Variants in PSMA8 observed in about 807,000 individuals in gnomAD.
PSMA8 encodes proteasome subunit alpha-type 8.
In PSMA8, 18 loss-of-function variants were observed where a neutral mutation model predicts 32.4. The observed-to-expected ratio is 0.56, with a 90% CI of 0.38 to 0.82. The LOEUF is 0.82. PSMA8 is among the 40% of genes least tolerant of loss of function. The pLI, the probability that PSMA8 is intolerant of heterozygous loss-of-function variation, is 0.00. For synonymous variants in PSMA8, 104 were observed against 98.1 expected, an observed-to-expected ratio of 1.06 and a Z score of -0.36; for missense variants, 298 against 300.7, an observed-to-expected ratio of 0.99 and a Z score of 0.07.
chr18:26,187,494 T>C (rs11875053), intron 6 of PSMA8, among the ~76,000 whole-genome samples: 16,560 of 151,556 alleles, frequency 0.11, 1,491 homozygotes, highest in African/African-American at 0.26. Flanking sequence ...AATGACTGAA[T>C]GGATTTAAAA....
At chr18:26,166,840 G>A (rs541266085) in intron 4 of PSMA8, among the ~76,000 whole-genome samples, 3 of 152,228 alleles carry the variant, frequency 2.0e-5, no homozygotes, top group Admixed American at 6.5e-5. Flanking sequence ...AAGTTTTCAA[G>A]CAAAAATTAT....
intron 1 of PSMA8, among the ~76,000 whole-genome samples, chr18:26,143,642 C>T (rs772612666): frequency 1.6e-4 from 25 of 152,028 alleles, no homozygotes; most frequent in Non-Finnish European, 3.2e-4. Flanking sequence ...GCTTTGCAAA[C>T]GTTTATTCTT....
rs575626690 is a variant in PSMA8 at position 26,169,089 on chromosome 18, C to T, written c.478-9741C>T. Among the ~76,000 whole-genome samples, 161 of 132,348 alleles carry T rather than the reference C, an allele frequency of 1.2e-3. 5 individuals carry two copies. The highest frequency in any genetic ancestry group is 3.7e-3 in the South Asian group (17 of 4,624). The allele number at this position is 132,348 out of a possible 152,430, so 86.8% of individuals were successfully genotyped here. A position where few individuals can be genotyped will look rare whatever the true frequency, so the allele number is the denominator to read the frequency against. On this transcript the variant is annotated intron_variant, in intron 4 of 6. Transcript: ENST00000415576. ...CTTGAACTCGTGGGCTCAATTAATT[C>T]TTCCATCTCAGCTTCCTGAGTAGAT...
chr18:26,185,045 C>T (rs2055342156), intron 6 of PSMA8, among the ~76,000 whole-genome samples: 1 of 144,952 alleles, frequency 6.9e-6, no homozygotes, highest in African/African-American at 2.6e-5. Flanking sequence ...CAAGATAATG[C>T]CATTGCACTC....
intron 1 of PSMA8, among the ~76,000 whole-genome samples, chr18:26,137,292 T>C (rs191530503): frequency 2.5e-4 from 38 of 152,254 alleles, no homozygotes; most frequent in Middle Eastern, 6.8e-3. Context: ...GCCCCATCTC[T>C]ACTAAAAATA....
chr18:26,192,285 GA>G, intron 6 of PSMA8, 33 bp from the exon 7 acceptor site: 1 of 1,413,602 alleles, frequency 7.1e-7, no homozygotes, highest in Non-Finnish European at 9.3e-7. Context: ...TCGTATAACT[GA>G]CATTTGATCT....
chr18:26,161,164 C>T (rs1044042330), intron 4 of PSMA8, among the ~76,000 whole-genome samples: 3 of 152,280 alleles, frequency 2.0e-5, no homozygotes, highest in African/African-American at 4.8e-5. Flanking sequence ...ATAGAAACAT[C>T]CTCCCCACTT....
Position 26,165,432 on chromosome 18 carries a change from G to A in PSMA8, c.477+7188G>A, listed in dbSNP as rs551538121. Among the ~76,000 whole-genome samples, 18 of 152,208 alleles carry A rather than the reference G, an allele frequency of 1.2e-4. No individual in the cohort carries two copies. The East Asian group carries it at 2.3e-3, about 20-fold the overall frequency. ...TTGTTCGTTGTACTTTACACTTTTCGTAAGTTTAAATTTTTCCAAAATAAA... is the reference window on the plus strand; with the variant it reads ...TTGTTCGTTGTACTTTACACTTTTCATAAGTTTAAATTTTTCCAAAATAAA... On this transcript the variant is annotated intron_variant, in intron 4 of 6. Coordinates refer to ENST00000415576, the MANE Select transcript of PSMA8 (RefSeq NM_001025096.2).
At chr18:26,189,640 T>A (rs2055385799) in intron 6 of PSMA8, among the ~76,000 whole-genome samples, 2 of 152,192 alleles carry the variant, frequency 1.3e-5, no homozygotes, top group South Asian at 4.1e-4. Context: ...ATAGACAAGC[T>A]ACAGCAAATG....
At chr18:26,148,592 T>C (rs1226792757) in intron 2 of PSMA8, among the ~76,000 whole-genome samples, 1 of 152,104 alleles carries the variant, frequency 6.6e-6, no homozygotes, top group African/African-American at 2.4e-5. Context: ...AAGCTTTCCC[T>C]CTAGAACCAG....
At chr18:26,134,387 G>A (rs1162216875) in intron 1 of PSMA8, among the ~76,000 whole-genome samples, 1 of 149,526 alleles carries the variant, frequency 6.7e-6, no homozygotes, top group African/African-American at 2.5e-5. Context: ...GTGTGTGTGT[G>A]TAGGGACGTT....
At position 26,133,892 on chromosome 18, in the gene PSMA8, G is replaced by C; in HGVS notation, c.-74G>C. Reference sequence around the variant, plus strand: ...GCGCTTCCGGGCGGTAGCACGCTGTGTTGGCGGCGGCTCCCCGCTTGCCTC... The same window carrying C: ...GCGCTTCCGGGCGGTAGCACGCTGTCTTGGCGGCGGCTCCCCGCTTGCCTC... On this transcript the variant is annotated 5_prime_UTR_variant, in exon 1 of 7. Transcript: ENST00000415576. 1.2e-5 allele frequency: 16 copies of C among 1,319,702 alleles called. No homozygotes were observed. The South Asian group carries it at 1.9e-4, about 16-fold the overall frequency. 81.7% of individuals were successfully genotyped at this position (1,319,702 alleles called of 1,614,324 possible). A position where few individuals can be genotyped will look rare whatever the true frequency, so the allele number is the denominator to read the frequency against.
At chr18:26,141,616 T>G (rs2054956219) in intron 1 of PSMA8, among the ~76,000 whole-genome samples, 1 of 152,096 alleles carries the variant, frequency 6.6e-6, no homozygotes, top group Non-Finnish European at 1.5e-5. Context: ...AATATAATGT[T>G]TAAGAAAGGG....
chr18:26,178,693 T>C, intron 4 of PSMA8, 137 bp from the exon 5 acceptor site: 1 of 730,012 alleles, frequency 1.4e-6, no homozygotes, highest in South Asian at 2.2e-5. Context: ...GTTTGCTATG[T>C]TTTCAAATCT....
intron 3 of PSMA8, among the ~76,000 whole-genome samples, chr18:26,157,060 C>T (rs988842973): frequency 6.6e-6 from 1 of 151,228 alleles, no homozygotes; most frequent in African/African-American, 2.4e-5. Context: ...GGTGGGATTA[C>T]AGGCGTGAGC....
intron 4 of PSMA8, among the ~76,000 whole-genome samples, chr18:26,175,547 G>C (rs893071426): frequency 6.6e-6 from 1 of 152,176 alleles, no homozygotes; most frequent in African/African-American, 2.4e-5. Flanking sequence ...ACCTGAGGGA[G>C]CTCTTGTTAA....
chr18:26,182,332 A>C (rs2144351105), intron 6 of PSMA8, among the ~76,000 whole-genome samples: 1 of 152,350 alleles, frequency 6.6e-6, no homozygotes, highest in Middle Eastern at 3.4e-3. Flanking sequence ...AGCTAGAGAT[A>C]GGAGAAATCA....
chr18:26,170,996 G>A, intron 4 of PSMA8: 2 of 1,555,604 alleles, frequency 1.3e-6, no homozygotes, highest in South Asian at 2.2e-5. Flanking sequence ...TAAGTTTTAA[G>A]GCATCATCTA....
At chr18:26,176,060 G>A (rs1045869769) in intron 4 of PSMA8, among the ~76,000 whole-genome samples, 1 of 152,154 alleles carries the variant, frequency 6.6e-6, no homozygotes, top group African/African-American at 2.4e-5. Context: ...ATTAATCTGA[G>A]GAGGCAGGTA....
Sources: gnomAD v4.1 joint callset for allele counts (sites outside exome capture counted in the v4.1 genomes callset) on GRCh38, gnomAD v4.1.1 for gene constraint, MANE v1.5 for transcripts, NCBI Gene and HGNC (gene_info 2026-07-23, HGNC 2026-07-21) for gene names.